DMPK: variants seen among roughly 807,000 people sequenced by gnomAD.
The protein encoded by DMPK is DM1 protein kinase, also known as myotonin-protein kinase.
A neutral mutation model predicts 70.3 loss-of-function variants in DMPK; 32 were observed. The observed-to-expected ratio is 0.46, with a 90% CI of 0.34 to 0.61. The LOEUF is 0.61. Among genes scored for constraint, DMPK ranks in the 20% least tolerant of loss-of-function variants. The probability of loss-of-function intolerance (pLI) is 0.01; values close to 1 mark genes in which losing one functional copy is unlikely to be tolerated. For missense variants in DMPK, 899 were observed against 886.0 expected (o/e 1.01, Z -0.19); for synonymous variants, 469 against 390.9 (o/e 1.20, Z -2.36).
At chr19:45,772,549 C>G in intron 10 of DMPK, 92 bp downstream of exon 10, 1 of 739,730 alleles carries the variant, frequency 1.4e-6, no homozygotes, top group Non-Finnish European at 2.1e-6. Context: ...CAGGAAGTCC[C>G]TAGAGGGCTC....
Position 45,778,137 on chromosome 19 carries a change from G to A in DMPK, c.665C>T (p.Ala222Val), listed in dbSNP as rs1969884559. ...ADFGSCLKLR[A>V]DGTVRSLVAV... ...AGGGCACTGGCTCACCGTTCCATCT[G>A]CCCGCAGCTTGAGGCAAGAGCCGAA... Residue 222 changes from alanine (A) to valine (V), a missense_variant, in exon 6 of 15, where the codon GCA becomes GTA. Ala to Val is a moderately conservative substitution (Grantham distance 64). Transcript: ENST00000291270. 3.7e-6 allele frequency: 6 copies of A among 1,611,642 alleles called. No homozygotes were observed. The highest frequency in any genetic ancestry group is 5.1e-6 in the Non-Finnish European group (6 of 1,178,918).
rs191153689 is a variant in DMPK at position 45,780,448 on chromosome 19, G to A, written c.161-579C>T. On this transcript the variant is annotated intron_variant, in intron 1 of 14. Transcript: ENST00000291270. ...CACATATCCCAGACTCAAGTGCTCC[G>A]GTCCAGCCCATCTCTCAGTCCTCCA... 27 of 1,271,732 alleles carry A rather than the reference G, an allele frequency of 2.1e-5. No individual in the cohort carries two copies. In the East Asian group the frequency reaches 3.9e-4, roughly 18 times the overall value. The allele number at this position is 1,271,732 out of a possible 1,614,324, so 78.8% of individuals were successfully genotyped here.
chr19:45,773,037 C>G (rs1969563913), intron 9 of DMPK, among the ~76,000 whole-genome samples: 1 of 152,346 alleles, frequency 6.6e-6, no homozygotes, highest in South Asian at 2.1e-4. Flanking sequence ...GTCAGCTCAT[C>G]TCCTCCCTTG....
At chr19:45,772,323 C>T (rs1468586909) in intron 10 of DMPK, 1 of 359,098 alleles carries the variant, frequency 2.8e-6, no homozygotes, top group African/African-American at 2.1e-5. Flanking sequence ...TCAGGATTCC[C>T]ACCTGCCCAA....
At chr19:45,781,204 C>G (rs545342019) in intron 1 of DMPK, among the ~76,000 whole-genome samples, 1 of 152,296 alleles carries the variant, frequency 6.6e-6, no homozygotes, top group South Asian at 2.1e-4. Context: ...CAGTTTGTTA[C>G]ACACAGGCCA....
intron 6 of DMPK, 59 bp downstream of exon 6, chr19:45,778,068 T>C (rs1969880367): frequency 2.1e-6 from 3 of 1,441,790 alleles, no homozygotes; most frequent in Non-Finnish European, 2.9e-6. Context: ...TCCCACACTC[T>C]GTGCCTTCCA....
chr19:45,779,102 A>C, intron 4 of DMPK, 162 bp downstream of exon 4: 6 of 687,112 alleles, frequency 8.7e-6, no homozygotes, highest in Non-Finnish European at 7.7e-6. Context: ...CAGATAGGGA[A>C]GGCCCCTCAT....
rs1970020995 is a variant in DMPK, at chr19:45,779,881, G to A, written c.161-12C>T. 6.2e-7 allele frequency: 1 copy of A among 1,613,584 alleles called. No individual in the cohort carries two copies. The highest frequency in any genetic ancestry group is 8.5e-7 in the Non-Finnish European group (1 of 1,179,910). On this transcript the variant is annotated splice_polypyrimidine_tract_variant and intron_variant, in intron 1 of 14. Transcript: ENST00000291270. ...CACGATGGGCTCCGCTGGGGGGGTG[G>A]TGGGGGAAAAGAACCGAGGGTCACC...
At position 45,777,420 on chromosome 19, in the gene DMPK, C is replaced by T; in HGVS notation, c.1053G>A (p.Val351=). ...GLDWDGLRDS[V]PPFTPDFEGA... ...CTTCGAAATCCGGTGTAAAGGGGGG[C>T]ACGCTGTCCCGGAGACCATCCCAGT... Residue 351 remains valine, a synonymous_variant, in exon 8 of 15, where the codon GTG becomes GTA. Coordinates refer to ENST00000291270, the MANE Select transcript of DMPK (RefSeq NM_004409.5). The surrounding 1 kb of genome is among the most constrained non-coding windows in gnomAD (Gnocchi z 6.7). 1 of 1,613,318 alleles carries T rather than the reference C, an allele frequency of 6.2e-7. No individual in the cohort carries two copies. Among genetic ancestry groups the T allele is most frequent in the Non-Finnish European group, 8.5e-7 (1 of 1,179,924 alleles).
intron 1 of DMPK, chr19:45,780,756 G>A: frequency 3.2e-6 from 1 of 316,296 alleles, no homozygotes; most frequent in Non-Finnish European, 4.6e-6. Context: ...CCGGGAGAGT[G>A]GGCCAGCAGG....
At chr19:45,773,898 C>T (rs1012272241) in intron 9 of DMPK, among the ~76,000 whole-genome samples, 1 of 151,962 alleles carries the variant, frequency 6.6e-6, no homozygotes, top group African/African-American at 2.4e-5. Flanking sequence ...CCACTTCAGC[C>T]TCCCAAAGTG....
At chr19:45,771,089 T>C (rs777968849) in intron 13 of DMPK, 29 bp from the exon 14 acceptor site, 9 of 1,503,346 alleles carry the variant, frequency 6.0e-6, no homozygotes, top group Non-Finnish European at 8.1e-6. Flanking sequence ...GGTGACCCGA[T>C]CGGAGCCCAG....
In DMPK at chr19:45,770,443, C is replaced by T; in HGVS notation, c.*45G>A. 2 of 1,547,782 alleles carry T rather than the reference C, an allele frequency of 1.3e-6. No individual in the cohort carries two copies. The highest frequency in any genetic ancestry group is 1.2e-5 in the South Asian group (1 of 83,942). The stretch of plus-strand genomic sequence containing the variant: ...CGGCTTCTGTGCCGTGCCCCGGGCA[C>T]TCAGTCTTCCAACGGGGCCCCGGAG... On this transcript the variant is annotated 3_prime_UTR_variant, in exon 15 of 15. Coordinates refer to ENST00000291270, the MANE Select transcript of DMPK (RefSeq NM_004409.5).
chr19:45,772,899 C>T (rs1004750129), intron 9 of DMPK, 147 bp from the exon 10 acceptor site: 3 of 491,372 alleles, frequency 6.1e-6, no homozygotes, highest in Middle Eastern at 4.9e-4. Flanking sequence ...AGAACAGAGT[C>T]CCAGGTAGGC....
Position 45,774,261 on chromosome 19 carries a change from A to C in DMPK, c.1232+688T>G, listed in dbSNP as rs1174682518. 1.7e-4 allele frequency among the ~76,000 whole-genome samples: 16 copies of C among 94,856 alleles called. No homozygotes were observed. In the Admixed American group the frequency reaches 1.9e-3, roughly 11 times the overall value. The allele number at this position is 94,856 out of a possible 152,430, so 62.2% of individuals were successfully genotyped here. A position where few individuals can be genotyped will look rare whatever the true frequency, so the allele number is the denominator to read the frequency against. On this transcript the variant is annotated intron_variant, in intron 9 of 14. Coordinates refer to ENST00000291270, the MANE Select transcript of DMPK (RefSeq NM_004409.5). ...GCCACCACACCCGGCCTAAATAAAT[A>C]CTTTTTTTTTTTTTTTTTTGAGACG...
rs780103378 is a variant in DMPK at position 45,774,955 on chromosome 19, G to A, written c.1226C>T (p.Ala409Val). The A allele has an allele frequency of 1.2e-6, 2 of 1,613,754 alleles. No individual in the cohort carries two copies. The highest frequency in any genetic ancestry group is 1.7e-6 in the Non-Finnish European group (2 of 1,179,856). ...CGTCCAGGGCAGTGCTTACCTGAGG[G>A]CCATGCAGGAGTAGGAGTAGCCCAC... ...PFVGYSYSCM[A>V]LRDSEVPGPT... The change falls in exon 9 of 15, where the codon GCC becomes GTC. Residue 409 changes from alanine to valine, a missense_variant. By Grantham distance (64) the Ala-to-Val change is moderately conservative. Around this residue, in one of 3 missense-constraint regions of DMPK, gnomAD observed 555 missense variants for 483.8 expected, o/e 1.15. Coordinates refer to ENST00000291270, the MANE Select transcript of DMPK (RefSeq NM_004409.5).
chr19:45,779,672 C>T, intron 2 of DMPK, 106 bp downstream of exon 2: 1 of 1,546,306 alleles, frequency 6.5e-7, no homozygotes, highest in South Asian at 1.2e-5. Context: ...TCCAGCCCAG[C>T]CCTAGGTTCT....
chr19:45,774,697 G>A (rs904275041), intron 9 of DMPK, among the ~76,000 whole-genome samples: 5 of 152,180 alleles, frequency 3.3e-5, no homozygotes, highest in African/African-American at 9.7e-5. Context: ...TACTACAGAC[G>A]TAAAAGTTAA....
chr19:45,779,253 C>A lies in DMPK; in HGVS notation c.432+11G>T. ...TGTCCCTCTTCCTAGTCACCCCGGC[C>A]CGGAGCTCACCAGGTAGTTCTCATC... On this transcript the variant is annotated intron_variant, in intron 4 of 14. Transcript: ENST00000291270. 1 of 1,613,678 alleles carries A rather than the reference C, an allele frequency of 6.2e-7. No individual in the cohort carries two copies. Among genetic ancestry groups the A allele is most frequent in the Non-Finnish European group, 8.5e-7 (1 of 1,179,706 alleles).
Sources: allele counts gnomAD v4.1 joint callset (sites outside exome capture counted in the v4.1 genomes callset), GRCh38; gene constraint gnomAD v4.1.1; regional missense constraint gnomAD v4.1.1; non-coding constraint Gnocchi (gnomAD v3.1); transcripts MANE v1.5; gene names NCBI Gene and HGNC (gene_info 2026-07-23, HGNC 2026-07-21).